Variants in RHOBTB1 observed in about 807,000 individuals in gnomAD.
RHOBTB1 encodes Rho related BTB domain containing 1.
Under a neutral mutation model 71.6 loss-of-function variants are expected in RHOBTB1, and 40 were observed. The observed-to-expected ratio is 0.56, with a 90% CI of 0.43 to 0.73. The LOEUF (loss-of-function observed/expected upper bound fraction) is 0.73. Among genes scored for constraint, RHOBTB1 ranks in the 30% least tolerant of loss-of-function variants. The pLI, the probability that RHOBTB1 is intolerant of heterozygous loss-of-function variation, is 0.00. For missense variants in RHOBTB1, 797 were observed against 894.0 expected (o/e 0.89, Z 1.38); for synonymous variants, 319 against 334.9 (o/e 0.95, Z 0.52).
intron 4 of RHOBTB1, 66 bp from the exon 5 acceptor site, chr10:60,893,061 T>C: frequency 1.6e-6 from 2 of 1,252,252 alleles, no homozygotes; most frequent in Admixed American, 2.1e-5. Context: ...ACCATTATGG[T>C]TCCTCTCAAA....
chr10:60,944,369 A>C (rs2085119550), upstream of RHOBTB1: 1 of 152,196 alleles, frequency 6.6e-6, no homozygotes, highest in African/African-American at 2.4e-5. Context: ...ACACGATTGG[A>C]TTTCATTCAT....
intron 2 of RHOBTB1, among the ~76,000 whole-genome samples, chr10:60,974,527 T>G (rs2086256432): frequency 6.6e-6 from 1 of 152,098 alleles, no homozygotes; most frequent in Non-Finnish European, 1.5e-5. Flanking sequence ...GACAAGGTTT[T>G]TCTACACATC....
At chr10:60,878,528 T>C (rs1186254608) in intron 7 of RHOBTB1, among the ~76,000 whole-genome samples, 1 of 152,236 alleles carries the variant, frequency 6.6e-6, no homozygotes, top group African/African-American at 2.4e-5. Context: ...ACCAGCTTGA[T>C]TTCGAAATTC....
At chr10:60,934,002 A>T (rs2084416937) in intron 2 of RHOBTB1, among the ~76,000 whole-genome samples, 1 of 152,296 alleles carries the variant, frequency 6.6e-6, no homozygotes, top group Admixed American at 6.5e-5. Context: ...GGATAGGATT[A>T]TAATTCATTT....
Position 60,980,315 on chromosome 10 carries a change from TG to T in RHOBTB1, c.-62+5529del, listed in dbSNP as rs536016211. ...AGAATTCAATACAAAAATCAATAAA[TG>T]TCCGCTGGACCAATTGGTAAGTTGA... On this transcript the variant is annotated intron_variant, in intron 2 of 11. Transcript: ENST00000357917. 3.9e-5 allele frequency among the ~76,000 whole-genome samples: 6 copies of T among 152,276 alleles called. No homozygotes were observed. The South Asian group carries it at 1.0e-3, about 26-fold the overall frequency.
At chr10:60,899,250 C>T (rs2082297728) in intron 4 of RHOBTB1, among the ~76,000 whole-genome samples, 1 of 152,202 alleles carries the variant, frequency 6.6e-6, no homozygotes, top group African/African-American at 2.4e-5. Context: ...AACTCCTGGT[C>T]AACGAATGCA....
chr10:60,870,696 G>A lies in RHOBTB1; in HGVS notation c.*786C>T, dbSNP rs1305976356. ...CACTAATGGTATCTTATGTATTCAG[G>A]TCCACCAGTGAGTTTGCCCTGGATA... On this transcript the variant is annotated 3_prime_UTR_variant, in exon 11 of 11. Coordinates refer to ENST00000337910, the MANE Select transcript of RHOBTB1 (RefSeq NM_014836.5). 1 of 152,462 alleles carries A rather than the reference G, an allele frequency of 6.6e-6. No individual in the cohort carries two copies. The highest frequency in any genetic ancestry group is 1.5e-5 in the Non-Finnish European group (1 of 68,046). The allele number at this position is 152,462 out of a possible 1,614,324, so 9.4% of individuals were successfully genotyped here. A position where few individuals can be genotyped will look rare whatever the true frequency, so the allele number is the denominator to read the frequency against.
chr10:60,989,453 C>T (rs1490074527), intron 1 of RHOBTB1, among the ~76,000 whole-genome samples: 1 of 152,206 alleles, frequency 6.6e-6, no homozygotes, highest in Non-Finnish European at 1.5e-5. Flanking sequence ...ATATAAGATA[C>T]GTTGATACTT....
At chr10:60,963,498 C>A (rs989773540) in intron 2 of RHOBTB1, among the ~76,000 whole-genome samples, 4 of 152,076 alleles carry the variant, frequency 2.6e-5, no homozygotes, top group African/African-American at 9.7e-5. Flanking sequence ...ATTTAGACAG[C>A]AACATTACAA....
At chr10:60,975,090 A>G (rs1204032299) in intron 2 of RHOBTB1, among the ~76,000 whole-genome samples, 3 of 152,086 alleles carry the variant, frequency 2.0e-5, no homozygotes, top group African/African-American at 7.2e-5. Context: ...CAATAAAAAT[A>G]TGTCCATCAA....
chr10:60,986,962 T>C (rs1439308597), intron 1 of RHOBTB1, among the ~76,000 whole-genome samples: 1 of 152,198 alleles, frequency 6.6e-6, no homozygotes, highest in Non-Finnish European at 1.5e-5. Flanking sequence ...AAATTGTTGA[T>C]TGCCGGTGGC....
At chr10:60,929,581 G>A (rs1296897977) in intron 2 of RHOBTB1, among the ~76,000 whole-genome samples, 1 of 152,044 alleles carries the variant, frequency 6.6e-6, no homozygotes, top group Non-Finnish European at 1.5e-5. Context: ...AAAAATGTAA[G>A]ATCATCCTAC....
intron 1 of RHOBTB1, among the ~76,000 whole-genome samples, chr10:61,000,361 A>G (rs990041627): frequency 4.6e-5 from 7 of 152,130 alleles, no homozygotes; most frequent in Non-Finnish European, 8.8e-5. Context: ...TAAAAAATAT[A>G]TATTTTGGGT....
chr10:60,877,117 T>G (rs1331850699), intron 8 of RHOBTB1: 1 of 152,202 alleles, frequency 6.6e-6, no homozygotes, highest in African/African-American at 2.4e-5. Flanking sequence ...AGATCTGAAT[T>G]CCAGAGAAAG....
Position 60,886,720 on chromosome 10 carries a change from G to GC in RHOBTB1, c.1457-491_1457-490insG, listed in dbSNP as rs879589402. Among the ~76,000 whole-genome samples, 4 of 141,650 alleles carry GC rather than the reference G, an allele frequency of 2.8e-5. 1 individual carries two copies. The highest frequency in any genetic ancestry group is 2.5e-4 in the East Asian group (1 of 3,980). 92.9% of individuals were successfully genotyped at this position (141,650 alleles called of 152,430 possible). A position where few individuals can be genotyped will look rare whatever the true frequency, so the allele number is the denominator to read the frequency against. ...TTACTGTTTTTTTTAAGAGATGTGG[G>GC]GGGGGGTGGGTCTGGCTATGTTGTC... On this transcript the variant is annotated intron_variant, in intron 6 of 10. Coordinates refer to ENST00000337910, the MANE Select transcript of RHOBTB1 (RefSeq NM_014836.5).
intron 2 of RHOBTB1, among the ~76,000 whole-genome samples, chr10:60,972,298 C>A (rs2086184105): frequency 6.6e-6 from 1 of 152,034 alleles, no homozygotes; most frequent in Admixed American, 6.6e-5. Flanking sequence ...AAATGCCCAT[C>A]ATGATAGACT....
chr10:60,961,575 G>A (rs1377762188), intron 2 of RHOBTB1, among the ~76,000 whole-genome samples: 1 of 152,058 alleles, frequency 6.6e-6, no homozygotes, highest in African/African-American at 2.4e-5. Context: ...GCTTGTCTGA[G>A]AACCAGCTTA....
chr10:60,889,302 G>A lies in RHOBTB1; in HGVS notation c.483-117C>T, dbSNP rs540285604. ...ACTGAAAACTCCAGTCAGGCTTTTA[G>A]TCTCTGGAAAAATCTGCCACCACCT... On this transcript the variant is annotated intron_variant, in intron 5 of 10. Transcript: ENST00000337910. 9.3e-6 allele frequency: 10 copies of A among 1,070,834 alleles called. No homozygotes were observed. The South Asian group carries it at 1.1e-4, about 12-fold the overall frequency. 66.3% of individuals were successfully genotyped at this position (1,070,834 alleles called of 1,614,324 possible). A position where few individuals can be genotyped will look rare whatever the true frequency, so the allele number is the denominator to read the frequency against.
At position 60,886,206 on chromosome 10, in the gene RHOBTB1, C is replaced by T; in HGVS notation, c.1481G>A (p.Gly494Glu). ...CAGCGGCTTGTGGGCACTGATGGCTCCATCGTCCAATTTAAATGTCACGTC... is the reference window on the plus strand; with the variant it reads ...CAGCGGCTTGTGGGCACTGATGGCTTCATCGTCCAATTTAAATGTCACGTC... ...FSDVTFKLDD[G>E]AISAHKPLLI... The change falls in exon 7 of 11, where the codon GGA (glycine) becomes GAA (glutamate). Residue 494 changes from glycine (G) to glutamate (E), a missense_variant. Physicochemically the swap from Gly to Glu is moderately conservative, Grantham distance 98 (BLOSUM62 -2). This residue lies in a region of RHOBTB1 where 658 missense variants were observed against 681.5 expected (regional missense o/e 0.97). Coordinates refer to ENST00000337910, the MANE Select transcript of RHOBTB1 (RefSeq NM_014836.5). 6.2e-7 allele frequency: 1 copy of T among 1,613,954 alleles called. No individual in the cohort carries two copies. Among genetic ancestry groups the T allele is most frequent in the South Asian group, 1.1e-5 (1 of 91,066 alleles).
Sources: gnomAD v4.1 joint callset for allele counts (sites outside exome capture counted in the v4.1 genomes callset) on GRCh38, gnomAD v4.1.1 for gene constraint, gnomAD v4.1.1 regional missense constraint, MANE v1.5 for transcripts, NCBI Gene and HGNC (gene_info 2026-07-23, HGNC 2026-07-21) for gene names.